FGF1: variants seen among roughly 807,000 people sequenced by gnomAD.
FGF1 encodes the protein fibroblast growth factor 1, also known as beta-endothelial cell growth factor.
Under a neutral mutation model 13.4 loss-of-function variants are expected in FGF1, and 9 were observed. The ratio of observed to expected loss-of-function variants is 0.67; its 90% CI spans 0.40 to 1.17. The LOEUF is 1.17. FGF1 is among the 50% of genes most tolerant of loss of function. The pLI is 0.01. For missense variants in FGF1, 156 were observed against 192.7 expected (o/e 0.81, Z 1.13); for synonymous variants, 93 against 79.0 (o/e 1.18, Z -0.94).
chr5:142,642,132 C>T (rs1413603046), intron 1 of FGF1, among the ~76,000 whole-genome samples: 1 of 152,168 alleles, frequency 6.6e-6, no homozygotes, highest in African/African-American at 2.4e-5. Context: ...AGGAGGAGCA[C>T]AATAGGGCAT....
intron 1 of FGF1, among the ~76,000 whole-genome samples, chr5:142,624,544 G>A (rs1195757145): frequency 6.6e-6 from 1 of 152,166 alleles, no homozygotes; most frequent in Non-Finnish European, 1.5e-5. Flanking sequence ...TACTGTTCAG[G>A]ATGACAGAGA....
At chr5:142,671,951 T>G (rs1771537489) in intron 1 of FGF1, 1 of 152,198 alleles carries the variant, frequency 6.6e-6, no homozygotes, top group South Asian at 2.1e-4. Flanking sequence ...TTGTCTAACT[T>G]CAGGGCCCAC....
At chr5:142,694,095 C>CTATCTATT (rs1752695525) in intron 2 of FGF1, among the ~76,000 whole-genome samples, 1 of 111,628 alleles carries the variant, frequency 9.0e-6, no homozygotes, top group African/African-American at 3.3e-5. Flanking sequence ...TATAATCTAT[C>CTATCTATT]TATCTATCTA....
intron 2 of FGF1, among the ~76,000 whole-genome samples, chr5:142,608,745 TATAGTATA>T (rs953063476): frequency 6.9e-6 from 1 of 145,842 alleles, no homozygotes; most frequent in East Asian, 2.3e-4. Flanking sequence ...ATCATATATA[TATAGTATA>T]TATACACATA....
At chr5:142,675,976 G>A (rs1408144213) in intron 1 of FGF1, among the ~76,000 whole-genome samples, 1 of 152,104 alleles carries the variant, frequency 6.6e-6, no homozygotes, top group Admixed American at 6.5e-5. Flanking sequence ...TCATTTTTTG[G>A]GAACATCTAC....
intron 2 of FGF1, among the ~76,000 whole-genome samples, chr5:142,608,551 T>A (rs1561537632): frequency 8.4e-4 from 53 of 63,310 alleles, no homozygotes; most frequent in African/African-American, 5.2e-3. Flanking sequence ...TCTATATATA[T>A]ATATATATAT....
chr5:142,660,113 C>T (rs558551602), intron 1 of FGF1, among the ~76,000 whole-genome samples: 2 of 152,372 alleles, frequency 1.3e-5, no homozygotes, highest in South Asian at 2.1e-4. Flanking sequence ...TAATTTGTCT[C>T]TTCTCTGGGC....
At chr5:142,695,747 G>C (rs935481360) in intron 2 of FGF1, among the ~76,000 whole-genome samples, 1 of 152,072 alleles carries the variant, frequency 6.6e-6, no homozygotes, top group African/African-American at 2.4e-5. Flanking sequence ...GAGAGGGCTT[G>C]GGAATGAAAC....
intron 1 of FGF1, among the ~76,000 whole-genome samples, chr5:142,641,153 C>T (rs1456848115): frequency 6.6e-6 from 1 of 151,908 alleles, no homozygotes; most frequent in African/African-American, 2.4e-5. Context: ...GGAGATTGGC[C>T]AGGATAACAA....
chr5:142,672,511 T>G (rs1043110697), intron 1 of FGF1, among the ~76,000 whole-genome samples: 76 of 150,392 alleles, frequency 5.1e-4, no homozygotes, highest in African/African-American at 1.7e-3. Flanking sequence ...TTTTTTTTTT[T>G]TTTTTTTTTT....
At chr5:142,606,562 G>A (rs1757744327) in intron 2 of FGF1, among the ~76,000 whole-genome samples, 1 of 152,144 alleles carries the variant, frequency 6.6e-6, no homozygotes, top group South Asian at 2.1e-4. Context: ...GAAGGAGGTT[G>A]CAGTGAGCCG....
intron 3 of FGF1, among the ~76,000 whole-genome samples, chr5:142,598,175 G>T (rs1010450063): frequency 2.0e-5 from 3 of 152,158 alleles, no homozygotes; most frequent in Admixed American, 2.0e-4. Flanking sequence ...TTGTAGGGAG[G>T]ACTCATGCCT....
At chr5:142,614,659 GCCAAAGGCACA>G (rs1759832561) in intron 1 of FGF1, among the ~76,000 whole-genome samples, 2 of 152,154 alleles carry the variant, frequency 1.3e-5, no homozygotes, top group South Asian at 4.1e-4. Context: ...GGGACCTGCA[GCCAAAGGCACA>G]GGAGGCCTTT....
chr5:142,628,397 C>G (rs1222573451), intron 1 of FGF1, among the ~76,000 whole-genome samples: 1 of 152,172 alleles, frequency 6.6e-6, no homozygotes, highest in African/African-American at 2.4e-5. Flanking sequence ...GTAATCCCAG[C>G]TACTCAGGAG....
At chr5:142,694,111 CTA>C (rs1752708726) in intron 2 of FGF1, among the ~76,000 whole-genome samples, 1 of 150,666 alleles carries the variant, frequency 6.6e-6, no homozygotes, top group African/African-American at 2.5e-5. Context: ...ATCTATCTAT[CTA>C]TCTATCTATC....
chr5:142,653,822 C>T (rs1044300625), intron 1 of FGF1, among the ~76,000 whole-genome samples: 1 of 152,092 alleles, frequency 6.6e-6, no homozygotes, highest in African/African-American at 2.4e-5. Context: ...GGCCTGGTGC[C>T]GTGGCTCACG....
At chr5:142,681,103 C>T (rs780847100) in intron 1 of FGF1, among the ~76,000 whole-genome samples, 15 of 152,192 alleles carry the variant, frequency 9.9e-5, no homozygotes, top group Admixed American at 7.9e-4. Context: ...AAGGTAGGCA[C>T]GCCCCTCACA....
chr5:142,662,248 G>C (rs10067332), intron 1 of FGF1, among the ~76,000 whole-genome samples: 35,867 of 152,004 alleles, frequency 0.24, 4,607 homozygotes, highest in African/African-American at 0.35. Flanking sequence ...ACTTTGAACG[G>C]ACGAACTGTA....
chr5:142,633,780 G>A (rs1362365591), intron 1 of FGF1, among the ~76,000 whole-genome samples: 1 of 152,014 alleles, frequency 6.6e-6, no homozygotes, highest in East Asian at 1.9e-4. Context: ...TCTCAGCTCC[G>A]ACCTCTGTTC....
Sources: gnomAD v4.1 joint callset for allele counts (sites outside exome capture counted in the v4.1 genomes callset) on GRCh38, gnomAD v4.1.1 for gene constraint, MANE v1.5 for transcripts, NCBI Gene and HGNC (gene_info 2026-07-23, HGNC 2026-07-21) for gene names.